SHROOM4: variants seen among roughly 807,000 people sequenced by gnomAD.
The protein encoded by SHROOM4 is protein Shroom4.
SHROOM4 carries 17 observed loss-of-function variants against 80.3 expected under a neutral mutation model. The observed-to-expected ratio is 0.21, with a 90% CI of 0.14 to 0.32. The LOEUF (loss-of-function observed/expected upper bound fraction) is 0.32. Among genes scored for constraint, SHROOM4 ranks in the 10% least tolerant of loss-of-function variants. The probability of loss-of-function intolerance (pLI) is 1.00; values close to 1 mark genes in which losing one functional copy is unlikely to be tolerated. For missense variants in SHROOM4, 993 were observed against 1,140.3 expected (o/e 0.87, Z 1.86); for synonymous variants, 400 against 437.5 (o/e 0.91, Z 1.07).
At chrX:50,681,362 C>A (rs1932938682) in intron 2 of SHROOM4, among the ~76,000 whole-genome samples, 1 of 110,834 alleles carries the variant, frequency 9.0e-6, no homozygotes, top group African/African-American at 3.3e-5. Flanking sequence ...ATATGCCTGG[C>A]TTCCTCTCCT....
At chrX:50,735,022 T>C (rs781791564) in intron 1 of SHROOM4, among the ~76,000 whole-genome samples, 3 of 110,679 alleles carry the variant, frequency 2.7e-5, no homozygotes, top group Non-Finnish European at 5.7e-5. Flanking sequence ...TTACCCAGTC[T>C]CGAGTATGTT....
intron 1 of SHROOM4, among the ~76,000 whole-genome samples, chrX:50,731,529 A>G (rs1364539548): frequency 1.8e-5 from 2 of 112,141 alleles, no homozygotes; most frequent in Non-Finnish European, 3.8e-5. Flanking sequence ...CATGGAAGAG[A>G]GGATCTACCA....
At chrX:50,708,514 A>G (rs990219760) in intron 1 of SHROOM4, among the ~76,000 whole-genome samples, 1 of 112,315 alleles carries the variant, frequency 8.9e-6, no homozygotes, top group Non-Finnish European at 1.9e-5. Flanking sequence ...AACTCATTTC[A>G]GCTGCTAAGG....
At chrX:50,750,101 T>G (rs1478708514) in intron 1 of SHROOM4, among the ~76,000 whole-genome samples, 2 of 111,756 alleles carry the variant, frequency 1.8e-5, no homozygotes, top group Non-Finnish European at 3.8e-5. Flanking sequence ...ATGATTGATA[T>G]AGAGGTCTTT....
chrX:50,694,444 A>C (rs1557262858), intron 2 of SHROOM4, among the ~76,000 whole-genome samples: 2 of 105,813 alleles, frequency 1.9e-5, no homozygotes, highest in African/African-American at 6.9e-5. Flanking sequence ...ATTTCCCTGA[A>C]GATTAGTGAT....
intron 2 of SHROOM4, among the ~76,000 whole-genome samples, chrX:50,641,190 G>T (rs1931585762): frequency 8.9e-6 from 1 of 111,756 alleles, no homozygotes; most frequent in Admixed American, 9.5e-5. Context: ...ATTTGATATT[G>T]CCCATCATCA....
chrX:50,589,261 A>G lies in SHROOM4; in HGVS notation c.*7434T>C, dbSNP rs1557245150. Among the ~76,000 whole-genome samples the G allele has an allele frequency of 8.9e-6, 1 of 112,228 alleles. No homozygotes were observed. Among genetic ancestry groups the G allele is most frequent in the African/African-American group, 3.2e-5 (1 of 30,869 alleles). On this transcript the variant is annotated 3_prime_UTR_variant, in exon 9 of 9. Transcript: ENST00000376020. ...GTCAAGAGGAATGAGACTGATGGAA[A>G]TAATCAATAGCTTTTTTAAAAAAAC...
intron 5 of SHROOM4, among the ~76,000 whole-genome samples, chrX:50,609,692 T>C (rs5961142): frequency 4.7e-4 from 50 of 107,506 alleles, no homozygotes; most frequent in African/African-American, 7.4e-4. Flanking sequence ...TGTGTGTGTG[T>C]ATAATTTTAA....
intron 1 of SHROOM4, among the ~76,000 whole-genome samples, chrX:50,738,188 A>G (rs1378674743): frequency 9.0e-6 from 1 of 111,247 alleles, no homozygotes; most frequent in African/African-American, 3.3e-5. Flanking sequence ...TCAAAATAAT[A>G]AGAGCTATTT....
intron 1 of SHROOM4, among the ~76,000 whole-genome samples, chrX:50,772,808 T>C (rs192587277): frequency 2.2e-4 from 25 of 111,881 alleles, no homozygotes; most frequent in Admixed American, 2.2e-3. Flanking sequence ...ATTGAATACC[T>C]ATCATATGCT....
chrX:50,606,106 A>G (rs1046603077), intron 6 of SHROOM4, among the ~76,000 whole-genome samples: 2 of 108,164 alleles, frequency 1.8e-5, no homozygotes, highest in East Asian at 2.9e-4. Context: ...TATACTTTAA[A>G]TTTTAGGGTA....
downstream of SHROOM4, among the ~76,000 whole-genome samples, chrX:50,582,075 G>C (rs1379540481): frequency 8.9e-6 from 1 of 111,932 alleles, no homozygotes; most frequent in Non-Finnish European, 1.9e-5. Flanking sequence ...ATAGAATATG[G>C]CAAAGGTGAT....
chrX:50,721,896 C>T (rs1296016538), intron 1 of SHROOM4, among the ~76,000 whole-genome samples: 2 of 111,203 alleles, frequency 1.8e-5, no homozygotes, highest in African/African-American at 6.5e-5. Flanking sequence ...CCTCATTTGT[C>T]TCCATTTTCT....
intron 5 of SHROOM4, among the ~76,000 whole-genome samples, chrX:50,617,144 A>T (rs1346345516): frequency 1.8e-5 from 2 of 112,370 alleles, no homozygotes. Context: ...AATAAAATTT[A>T]AAAATCTGGC....
intron 2 of SHROOM4, among the ~76,000 whole-genome samples, chrX:50,646,689 C>T (rs376060972): frequency 5.5e-5 from 6 of 108,933 alleles, no homozygotes; most frequent in African/African-American, 2.0e-4. Flanking sequence ...TGGTACCCAG[C>T]TCTGCCTCCC....
intron 1 of SHROOM4, among the ~76,000 whole-genome samples, chrX:50,787,885 G>A (rs1232558911): frequency 1.8e-5 from 2 of 110,865 alleles, no homozygotes; most frequent in African/African-American, 6.6e-5. Context: ...AAAAACCCGA[G>A]AGAGTTCATC....
chrX:50,647,249 T>C (rs1557258063), intron 2 of SHROOM4, among the ~76,000 whole-genome samples: 1 of 112,062 alleles, frequency 8.9e-6, no homozygotes, highest in Admixed American at 9.5e-5. Context: ...ATCTTATCAA[T>C]GATCCTAAAG....
chrX:50,799,595 C>A (rs1328682388), intron 1 of SHROOM4, among the ~76,000 whole-genome samples: 1 of 112,074 alleles, frequency 8.9e-6, no homozygotes, highest in African/African-American at 3.2e-5. Context: ...AATAAGGACA[C>A]TTAAGACACT....
chrX:50,813,766 C>A, intron 1 of SHROOM4, 136 bp downstream of exon 1: 1 of 489,580 alleles, frequency 2.0e-6, no homozygotes, highest in South Asian at 3.0e-5. Flanking sequence ...AAGACCCCTC[C>A]GTGCCGCTCA....
Sources: gnomAD v4.1 joint callset for allele counts (sites outside exome capture counted in the v4.1 genomes callset) on GRCh38, gnomAD v4.1.1 for gene constraint, MANE v1.5 for transcripts, NCBI Gene and HGNC (gene_info 2026-07-23, HGNC 2026-07-21) for gene names.